Variants in NYAP2 observed in about 807,000 individuals in gnomAD.
NYAP2 encodes the protein neuronal tyrosine-phosphorylated phosphoinositide-3-kinase adapter 2.
Under a neutral mutation model 50.4 loss-of-function variants are expected in NYAP2, and 23 were observed. The observed-to-expected ratio is 0.46, with a 90% CI of 0.33 to 0.65. The LOEUF (loss-of-function observed/expected upper bound fraction) is 0.65, where lower values mean the gene tolerates loss of function less well. NYAP2 is among the 30% of genes least tolerant of loss of function. The pLI is 0.02. For synonymous variants in NYAP2, 394 were observed against 365.2 expected (o/e 1.08, Z -0.90); for missense variants, 885 against 861.0 (o/e 1.03, Z -0.35).
intron 3 of NYAP2, among the ~76,000 whole-genome samples, chr2:225,498,424 A>T (rs1055880915): frequency 5.3e-5 from 8 of 152,052 alleles, no homozygotes; most frequent in African/African-American, 1.9e-4. Context: ...AAGAAGAATT[A>T]TGTGAGTGGA....
At chr2:225,551,476 C>T (rs760153776) in intron 4 of NYAP2, among the ~76,000 whole-genome samples, 24 of 152,206 alleles carry the variant, frequency 1.6e-4, no homozygotes, top group Admixed American at 7.2e-4. Context: ...AGCTATACCA[C>T]ATGGAGCAGA....
At chr2:225,607,090 C>T (rs943302094) in intron 5 of NYAP2, among the ~76,000 whole-genome samples, 1 of 152,086 alleles carries the variant, frequency 6.6e-6, no homozygotes, top group Admixed American at 6.6e-5. Flanking sequence ...TGTATTAAGG[C>T]TCACATGAAT....
chr2:225,518,582 TTA>T (rs375598039), intron 4 of NYAP2, among the ~76,000 whole-genome samples: 34,717 of 71,482 alleles, frequency 0.49, 9,565 homozygotes, highest in South Asian at 0.63. Context: ...GCGTGTGCGC[TTA>T]TATATATATA....
chr2:225,558,709 A>G (rs542341008), intron 4 of NYAP2, among the ~76,000 whole-genome samples: 41 of 151,934 alleles, frequency 2.7e-4, no homozygotes, highest in Admixed American at 1.8e-3. Flanking sequence ...GTTTTAGGCT[A>G]TGGACATTTT....
chr2:225,468,843 AC>A (rs1406664115), intron 3 of NYAP2, among the ~76,000 whole-genome samples: 1 of 152,240 alleles, frequency 6.6e-6, no homozygotes, highest in Admixed American at 6.5e-5. Flanking sequence ...ATTCTGTGTA[AC>A]CTGTAAAGGT....
chr2:225,509,701 C>A (rs1690775534), intron 3 of NYAP2, among the ~76,000 whole-genome samples: 1 of 151,642 alleles, frequency 6.6e-6, no homozygotes, highest in South Asian at 2.1e-4. Flanking sequence ...GGGACCTGGA[C>A]CTTTTAACTC....
At chr2:225,592,632 C>T (rs952337984) in intron 5 of NYAP2, among the ~76,000 whole-genome samples, 1 of 152,060 alleles carries the variant, frequency 6.6e-6, no homozygotes, top group Non-Finnish European at 1.5e-5. Context: ...ATTCGTGTGA[C>T]TCCTTGGTTA....
chr2:225,523,652 A>T (rs559021857), intron 4 of NYAP2, among the ~76,000 whole-genome samples: 1 of 152,256 alleles, frequency 6.6e-6, no homozygotes, highest in African/African-American at 2.4e-5. Context: ...CAATCTAGAG[A>T]TTTGACACAA....
intron 3 of NYAP2, among the ~76,000 whole-genome samples, chr2:225,424,358 C>T (rs886703554): frequency 6.6e-6 from 1 of 152,076 alleles, no homozygotes; most frequent in Non-Finnish European, 1.5e-5. Context: ...TAATTATCAT[C>T]TCTGAGCAAA....
At chr2:225,492,178 G>A (rs375128855) in intron 3 of NYAP2, among the ~76,000 whole-genome samples, 4 of 152,334 alleles carry the variant, frequency 2.6e-5, no homozygotes, top group African/African-American at 9.6e-5. Context: ...CCTGGTGACT[G>A]TTCCTTTGCC....
the NYAP2 span, among the ~76,000 whole-genome samples, chr2:225,683,587 T>C: frequency 2.6e-5 from 4 of 152,288 alleles, no homozygotes; most frequent in South Asian, 8.3e-4. Context: ...GAGACACCAA[T>C]GGAATCCCTG....
rs568360707 is a variant in NYAP2 at position 225,538,284 on chromosome 2, C to T, written c.523+24612C>T. Reference sequence around the variant, plus strand: ...TCCAACCCCACATTTCCCTTCCACACTGTCCTAGCAGAGGTTCTCCATGAG... The same window carrying T: ...TCCAACCCCACATTTCCCTTCCACATTGTCCTAGCAGAGGTTCTCCATGAG... On this transcript the variant is annotated intron_variant, in intron 4 of 6. Transcript: ENST00000636099. 2.0e-5 allele frequency among the ~76,000 whole-genome samples: 3 copies of T among 152,338 alleles called. No homozygotes were observed. In the South Asian group the frequency reaches 6.2e-4, roughly 32 times the overall value.
At chr2:225,551,365 A>G (rs1003055782) in intron 4 of NYAP2, among the ~76,000 whole-genome samples, 1 of 152,234 alleles carries the variant, frequency 6.6e-6, no homozygotes, top group Non-Finnish European at 1.5e-5. Flanking sequence ...CTGTAAAGAT[A>G]GACTGTTGAA....
At chr2:225,631,825 G>A (rs1327239316) in intron 6 of NYAP2, among the ~76,000 whole-genome samples, 1 of 152,056 alleles carries the variant, frequency 6.6e-6, no homozygotes, top group Admixed American at 6.6e-5. Flanking sequence ...GTTTTGTTTT[G>A]TTCTGTTTTT....
exon 3 of NYAP2, chr2:225,409,059 A>C (rs772019866): frequency 3.5e-5 from 56 of 1,610,938 alleles, no homozygotes; most frequent in Non-Finnish European, 4.6e-5. Context: ...TATTTGAAAG[A>C]GAAGAATGAA....
rs548234267 is a variant in NYAP2, at chr2:225,608,076, A to G, written c.1619-18841A>G. On this transcript the variant is annotated intron_variant, in intron 5 of 6. Transcript: ENST00000636099. ...TGAGGTTGGTTAACAAAAAATGATT[A>G]TCTTGTCATTGAACAGTTGGTAGAT... Among the ~76,000 whole-genome samples, 4 of 152,254 alleles carry G rather than the reference A, an allele frequency of 2.6e-5. No individual in the cohort carries two copies. In the South Asian group the frequency reaches 8.3e-4, roughly 32 times the overall value.
At chr2:225,580,891 C>A (rs1483158937) in intron 4 of NYAP2, among the ~76,000 whole-genome samples, 1 of 152,164 alleles carries the variant, frequency 6.6e-6, no homozygotes, top group African/African-American at 2.4e-5. Flanking sequence ...ATGCTACTAT[C>A]TTCTGTAAGC....
At chr2:225,597,025 T>C (rs1692611658) in intron 5 of NYAP2, among the ~76,000 whole-genome samples, 1 of 152,092 alleles carries the variant, frequency 6.6e-6, no homozygotes. Flanking sequence ...ACAACCTCCT[T>C]ATAGTGGAAG....
intron 5 of NYAP2, among the ~76,000 whole-genome samples, chr2:225,601,328 C>G (rs1175126154): frequency 6.6e-6 from 1 of 151,982 alleles, no homozygotes; most frequent in East Asian, 1.9e-4. Context: ...ACCATGCTGG[C>G]CAGAATGGTC....
Sources: allele counts gnomAD v4.1 joint callset (sites outside exome capture counted in the v4.1 genomes callset), GRCh38; gene constraint gnomAD v4.1.1; transcripts MANE v1.5; gene names NCBI Gene and HGNC (gene_info 2026-07-23, HGNC 2026-07-21).